Variants in BRD4 observed in about 807,000 individuals in gnomAD.
BRD4 encodes the protein bromodomain-containing protein 4.
Under a neutral mutation model 142.1 loss-of-function variants are expected in BRD4, and 16 were observed. The observed-to-expected ratio is 0.11, with a 90% CI of 0.08 to 0.17. The LOEUF (loss-of-function observed/expected upper bound fraction) is 0.17. BRD4 is among the 10% of genes least tolerant of loss of function. BRD4 has a pLI of 1.00. For missense variants in BRD4, 1,424 were observed against 1,810.9 expected (o/e 0.79, Z 3.88); for synonymous variants, 833 against 707.5 (o/e 1.18, Z -2.82).
intron 1 of BRD4, among the ~76,000 whole-genome samples, chr19:15,301,510 G>A (rs868611736): frequency 4.0e-5 from 6 of 150,770 alleles, no homozygotes; most frequent in Admixed American, 2.0e-4. Flanking sequence ...GCAGTGAGCC[G>A]AGATCGCACC....
At chr19:15,321,550 T>C (rs940751490) in intron 1 of BRD4, among the ~76,000 whole-genome samples, 5 of 151,916 alleles carry the variant, frequency 3.3e-5, no homozygotes, top group South Asian at 2.1e-4. Flanking sequence ...ACTCTTGACC[T>C]TGAGGTCAGA....
At chr19:15,308,673 A>G (rs1236169268) in intron 1 of BRD4, among the ~76,000 whole-genome samples, 1 of 151,892 alleles carries the variant, frequency 6.6e-6, no homozygotes, top group Non-Finnish European at 1.5e-5. Flanking sequence ...AATTGAGGAC[A>G]TAAATTTTTA....
intron 1 of BRD4, among the ~76,000 whole-genome samples, chr19:15,294,402 G>C (rs1478403992): frequency 6.6e-6 from 1 of 152,242 alleles, no homozygotes; most frequent in East Asian, 1.9e-4. Flanking sequence ...GGGCCCATTT[G>C]CTTCCTCTCC....
intron 11 of BRD4, chr19:15,246,959 A>G: frequency 5.6e-6 from 1 of 177,844 alleles, no homozygotes. Context: ...GTTACCAGTA[A>G]AAGACAAGAC....
chr19:15,290,930 AG>A (rs1336176634), intron 1 of BRD4, among the ~76,000 whole-genome samples: 2 of 152,234 alleles, frequency 1.3e-5, no homozygotes, highest in African/African-American at 2.4e-5. Flanking sequence ...TAAATGAAAA[AG>A]AAAAGAAAAA....
chr19:15,291,887 T>C (rs1050149009), intron 1 of BRD4, among the ~76,000 whole-genome samples: 1 of 152,204 alleles, frequency 6.6e-6, no homozygotes, highest in African/African-American at 2.4e-5. Context: ...GAAGCTTATG[T>C]ATATCTTCCT....
chr19:15,238,021 C>T lies in BRD4; in HGVS notation c.*356G>A, dbSNP rs201379224. The T allele has an allele frequency of 1.0e-3, 250 of 250,634 alleles. 1 individual carries two copies. The highest frequency in any genetic ancestry group is 9.3e-3 in the Middle Eastern group (8 of 862). The allele number at this position is 250,634 out of a possible 1,614,324, so 15.5% of individuals were successfully genotyped here. A position where few individuals can be genotyped will look rare whatever the true frequency, so the allele number is the denominator to read the frequency against. On this transcript the variant is annotated 3_prime_UTR_variant, in exon 20 of 20. Coordinates refer to ENST00000679869, the MANE Select transcript of BRD4 (RefSeq NM_001379291.1). This position sits in a 1 kb window ranked among gnomAD's most constrained non-coding sequence, Gnocchi z 7.2. ...CTTGGGGACAGAAAACCAGTCACGG[C>T]GGCAGCAACGATGTCCTGTGTATAC...
intron 1 of BRD4, among the ~76,000 whole-genome samples, chr19:15,316,544 C>A (rs778324349): frequency 2.0e-5 from 3 of 151,976 alleles, no homozygotes; most frequent in African/African-American, 7.3e-5. Context: ...TGAGCTGAGA[C>A]CACACCATTC....
intron 11 of BRD4, chr19:15,252,851 G>A (rs1347141603): frequency 1.1e-5 from 2 of 175,246 alleles, no homozygotes; most frequent in Non-Finnish European, 2.5e-5. Flanking sequence ...TCCAAGGGAA[G>A]AGGAATACTG....
At chr19:15,301,390 G>A (rs2047866310) in intron 1 of BRD4, among the ~76,000 whole-genome samples, 2 of 151,408 alleles carry the variant, frequency 1.3e-5, no homozygotes, top group South Asian at 2.1e-4. Flanking sequence ...GTGAAACCCC[G>A]CCTCTACTAA....
chr19:15,270,683 C>T (rs1303955587), intron 2 of BRD4, among the ~76,000 whole-genome samples: 5 of 152,082 alleles, frequency 3.3e-5, no homozygotes, highest in East Asian at 1.9e-4. Flanking sequence ...GATCAAAATG[C>T]GGGTGAAGAC....
At chr19:15,257,216 G>C (rs1296270009) in intron 7 of BRD4, 43 bp from the exon 8 acceptor site, 1 of 1,545,818 alleles carries the variant, frequency 6.5e-7, no homozygotes, top group African/African-American at 1.3e-5. Flanking sequence ...TGGGTACCCA[G>C]GCCGCGGCCT....
At chr19:15,267,379 G>A (rs1335152176) in intron 4 of BRD4, 37 bp downstream of exon 4, 2 of 1,607,268 alleles carry the variant, frequency 1.2e-6, no homozygotes, top group Admixed American at 3.4e-5. Context: ...CAAAGGTCGG[G>A]GAGAAAGCCA....
Position 15,239,315 on chromosome 19 carries a change from G to C in BRD4, c.3577-51C>G, listed in dbSNP as rs748982689. 3 of 1,613,968 alleles carry C rather than the reference G, an allele frequency of 1.9e-6. No homozygotes were observed. In the South Asian group the frequency reaches 3.3e-5, roughly 18 times the overall value. On this transcript the variant is annotated intron_variant, in intron 17 of 19. Transcript: ENST00000679869. The surrounding 1 kb of genome is among the most constrained non-coding windows in gnomAD (Gnocchi z 7.4). ...GTGAGGGGTCTGCTGTGCCTAAAGG[G>C]CATAGCTGGGGGTGTGCCCAGCATG... is the stretch of plus-strand genomic sequence containing the variant.
chr19:15,278,460 G>C (rs953892019), intron 1 of BRD4, among the ~76,000 whole-genome samples: 1 of 150,662 alleles, frequency 6.6e-6, no homozygotes, highest in South Asian at 2.1e-4. Context: ...ACTTGAACCC[G>C]GGAGGTGGAG....
At chr19:15,319,188 G>A (rs1445114950) in intron 1 of BRD4, among the ~76,000 whole-genome samples, 1 of 152,008 alleles carries the variant, frequency 6.6e-6, no homozygotes, top group African/African-American at 2.4e-5. Context: ...ATAAAAAAAA[G>A]GCTGGGAGCG....
At chr19:15,290,760 T>C (rs1259046821) in intron 1 of BRD4, among the ~76,000 whole-genome samples, 3 of 152,166 alleles carry the variant, frequency 2.0e-5, no homozygotes, top group Non-Finnish European at 4.4e-5. Flanking sequence ...TTCCATCTCA[T>C]ACCCATATGT....
chr19:15,240,413 T>G (rs2047229452), intron 14 of BRD4, among the ~76,000 whole-genome samples: 1 of 152,168 alleles, frequency 6.6e-6, no homozygotes, highest in African/African-American at 2.4e-5. Context: ...CTAATACTTT[T>G]TAAACCCACA....
At chr19:15,274,200 T>C (rs2047621529) in intron 1 of BRD4, among the ~76,000 whole-genome samples, 1 of 152,162 alleles carries the variant, frequency 6.6e-6, no homozygotes, top group African/African-American at 2.4e-5. Flanking sequence ...ACAGATAGAT[T>C]ACAGGACACA....
Sources: gnomAD v4.1 joint callset for allele counts (sites outside exome capture counted in the v4.1 genomes callset) on GRCh38, gnomAD v4.1.1 for gene constraint, Gnocchi (gnomAD v3.1) non-coding constraint, MANE v1.5 for transcripts, NCBI Gene and HGNC (gene_info 2026-07-23, HGNC 2026-07-21) for gene names.